The following THRB variants were observed in gnomAD, a reference collection of about 807,000 sequenced individuals.
THRB encodes nuclear receptor subfamily 1 group A member 2.
Under a neutral mutation model 47.8 loss-of-function variants are expected in THRB, and 12 were observed. That is an observed-to-expected ratio of 0.25 (90% CI 0.16 to 0.41). The LOEUF is 0.41. Among genes scored for constraint, THRB ranks in the 10% least tolerant of loss-of-function variants. The probability of loss-of-function intolerance (pLI) is 1.00; values close to 1 mark genes in which losing one functional copy is unlikely to be tolerated. For synonymous variants in THRB, 218 were observed against 212.2 expected (o/e 1.03, Z -0.24); for missense variants, 348 against 589.2 (o/e 0.59, Z 4.24).
At chr3:24,477,589 A>C (rs561989340) in intron 1 of THRB, among the ~76,000 whole-genome samples, 1 of 152,296 alleles carries the variant, frequency 6.6e-6, no homozygotes, top group South Asian at 2.1e-4. Context: ...TATGGAAGTC[A>C]GTCTGAGGAG....
At chr3:24,269,307 ACACACACACACACACGT>A (rs1225734865) in intron 3 of THRB, among the ~76,000 whole-genome samples, 1 of 123,084 alleles carries the variant, frequency 8.1e-6, no homozygotes, top group African/African-American at 3.1e-5. Flanking sequence ...ACACACACAC[ACACACACACACACACGT>A]TATCTTTGCT....
At chr3:24,481,139 C>G (rs1018545712) in intron 1 of THRB, among the ~76,000 whole-genome samples, 4 of 151,728 alleles carry the variant, frequency 2.6e-5, no homozygotes, top group Admixed American at 2.6e-4. Flanking sequence ...AGAGAACATC[C>G]ACTTTGGGGC....
chr3:24,265,018 A>G lies in THRB; in HGVS notation c.-43+32208T>C, dbSNP rs1322195182. Among the ~76,000 whole-genome samples the G allele has an allele frequency of 2.0e-5, 3 of 152,154 alleles. No individual in the cohort carries two copies. In the East Asian group the frequency reaches 5.8e-4, roughly 29 times the overall value. On this transcript the variant is annotated intron_variant, in intron 3 of 10. Transcript: ENST00000646209. ...AATAAAGCAGAGTAATTAGACAGAG[A>G]ATGCCTCGAGGGGAAAGTTAATGGG...
At chr3:24,306,165 C>T (rs1046127004) in intron 2 of THRB, among the ~76,000 whole-genome samples, 1 of 152,064 alleles carries the variant, frequency 6.6e-6, no homozygotes. Context: ...ATTAAGGGCC[C>T]GGGGTTTGCT....
At chr3:24,172,647 T>C (rs897344765) in intron 5 of THRB, among the ~76,000 whole-genome samples, 1 of 152,110 alleles carries the variant, frequency 6.6e-6, no homozygotes, top group African/African-American at 2.4e-5. Flanking sequence ...GAAAAGGGAA[T>C]GGATTCTGAT....
intron 2 of THRB, among the ~76,000 whole-genome samples, chr3:24,302,164 C>T (rs1470564420): frequency 6.6e-6 from 1 of 152,198 alleles, no homozygotes; most frequent in African/African-American, 2.4e-5. Context: ...CTATCATTTA[C>T]TTTTGAATGT....
chr3:24,262,407 G>A (rs1196948929), intron 3 of THRB, among the ~76,000 whole-genome samples: 1 of 152,182 alleles, frequency 6.6e-6, no homozygotes, highest in African/African-American at 2.4e-5. Flanking sequence ...TTATATGTCA[G>A]TTCATTTGAT....
In THRB at chr3:24,127,848, C is replaced by T. The variant is rs1257248357; in HGVS notation, c.886-91G>A. 5.0e-6 allele frequency: 7 copies of T among 1,398,172 alleles called. No homozygotes were observed. The African/African-American group carries it at 7.1e-5, about 14-fold the overall frequency. 86.6% of individuals were successfully genotyped at this position (1,398,172 alleles called of 1,614,324 possible). On this transcript the variant is annotated intron_variant, in intron 9 of 10. Transcript: ENST00000646209. ...GTATCTTAAAAGCAATAGGAATAAC[C>T]TTCTGTGATTAACATTTGTCCTGCA...
At chr3:24,261,924 C>G (rs547755612) in intron 3 of THRB, among the ~76,000 whole-genome samples, 50 of 152,268 alleles carry the variant, frequency 3.3e-4, no homozygotes, top group Non-Finnish European at 5.1e-4. Context: ...AGACTTACGC[C>G]TGGGATACCT....
intron 1 of THRB, among the ~76,000 whole-genome samples, chr3:24,353,011 C>T (rs115228536): frequency 0.011 from 1,727 of 151,980 alleles, 19 homozygotes; most frequent in African/African-American, 0.03. Flanking sequence ...AAAATTTTGT[C>T]GATTTTCTCT....
chr3:24,179,681 C>T (rs555029171), intron 5 of THRB, among the ~76,000 whole-genome samples: 84 of 152,286 alleles, frequency 5.5e-4, no homozygotes, highest in African/African-American at 1.9e-3. Flanking sequence ...CTCTTAGAAA[C>T]AGAATCCAAC....
intron 1 of THRB, among the ~76,000 whole-genome samples, chr3:24,403,136 T>C (rs543743475): frequency 1.6e-4 from 24 of 152,066 alleles, no homozygotes; most frequent in African/African-American, 5.8e-4. Context: ...TGTCATAACA[T>C]TGAGTGAAAA....
At chr3:24,151,320 T>A (rs2036900763) in intron 6 of THRB, among the ~76,000 whole-genome samples, 1 of 152,086 alleles carries the variant, frequency 6.6e-6, no homozygotes, top group Non-Finnish European at 1.5e-5. Context: ...GAAACTGAGC[T>A]AACATGTTGA....
chr3:24,257,730 GT>G (rs2051453022), intron 3 of THRB, among the ~76,000 whole-genome samples: 1 of 152,238 alleles, frequency 6.6e-6, no homozygotes, highest in South Asian at 2.1e-4. Flanking sequence ...ACTTTCCACA[GT>G]TTATTCCACA....
Position 24,421,406 on chromosome 3 carries a change from C to T in THRB, c.-261+73246G>A, listed in dbSNP as rs138438908. On this transcript the variant is annotated intron_variant, in intron 1 of 10. Coordinates refer to ENST00000646209, the MANE Select transcript of THRB (RefSeq NM_001354712.2). ...AAGGCTTGTAGGAGTCTAATAATAA[C>T]ACTTTCTTCATAGGGCTCTGGTGTA... Among the ~76,000 whole-genome samples the T allele has an allele frequency of 2.0e-5, 3 of 150,224 alleles. No individual in the cohort carries two copies. The East Asian group carries it at 5.9e-4, about 30-fold the overall frequency.
chr3:24,468,895 C>CT (rs2074348723), intron 1 of THRB, among the ~76,000 whole-genome samples: 1 of 152,118 alleles, frequency 6.6e-6, no homozygotes, highest in African/African-American at 2.4e-5. Context: ...TTGCCACAAA[C>CT]TTTCAGTTTG....
At chr3:24,315,007 G>A (rs759027950) in intron 2 of THRB, among the ~76,000 whole-genome samples, 22 of 152,044 alleles carry the variant, frequency 1.4e-4, no homozygotes, top group Non-Finnish European at 1.8e-4. Context: ...TGCCCCCGAC[G>A]GAAAAGCTTG....
intron 1 of THRB, among the ~76,000 whole-genome samples, chr3:24,446,117 T>G (rs1162943659): frequency 2.6e-5 from 4 of 152,192 alleles, no homozygotes; most frequent in South Asian, 2.1e-4. Flanking sequence ...AGAATAAAAT[T>G]TATTAAAGAA....
At chr3:24,411,046 T>C (rs1043934703) in intron 1 of THRB, among the ~76,000 whole-genome samples, 1 of 151,806 alleles carries the variant, frequency 6.6e-6, no homozygotes, top group Non-Finnish European at 1.5e-5. Flanking sequence ...TTTTGACCAT[T>C]GGCTGAGTGT....
Sources: allele counts gnomAD v4.1 joint callset (sites outside exome capture counted in the v4.1 genomes callset), GRCh38; gene constraint gnomAD v4.1.1; transcripts MANE v1.5; gene names NCBI Gene and HGNC (gene_info 2026-07-23, HGNC 2026-07-21).